ELSPBP1: variants seen among roughly 807,000 people sequenced by gnomAD.
ELSPBP1 encodes the protein epididymal sperm-binding protein 1.
ELSPBP1 carries 38 observed loss-of-function variants against 33.3 expected under a neutral mutation model. That is an observed-to-expected ratio of 1.14 (90% CI 0.88 to 1.50). The LOEUF (loss-of-function observed/expected upper bound fraction) is 1.50. Among genes scored for constraint, ELSPBP1 ranks in the 40% most tolerant of loss-of-function variants. The probability of loss-of-function intolerance (pLI) is 0.00; values close to 1 mark genes in which losing one functional copy is unlikely to be tolerated. For missense variants in ELSPBP1, 267 were observed against 263.5 expected, an observed-to-expected ratio of 1.01 and a Z score of -0.09; for synonymous variants, 85 against 94.1, an observed-to-expected ratio of 0.90 and a Z score of 0.56.
rs1967178548 is a variant in ELSPBP1 at position 48,019,726 on chromosome 19, G to A, written c.363G>A (p.Gly121=). The change falls in exon 5 of 7, where the codon GGG becomes GGA. Residue 121 remains glycine, a synonymous_variant. Coordinates refer to ENST00000339841, the MANE Select transcript of ELSPBP1 (RefSeq NM_022142.5). ...QWKFCETNEY[G]GNSLRKPCIF... is the part of the protein sequence containing the mutation. ...TTCCATAATCCTTTTCAGAGTATGG[G>A]GGAAATTCTCTCAGGAAGCCCTGCA... 1.2e-6 allele frequency: 2 copies of A among 1,613,720 alleles called. No homozygotes were observed. The highest frequency in any genetic ancestry group is 1.7e-6 in the Non-Finnish European group (2 of 1,179,896).
At chr19:48,018,879 C>T (rs1967168805) in intron 4 of ELSPBP1, among the ~76,000 whole-genome samples, 1 of 152,130 alleles carries the variant, frequency 6.6e-6, no homozygotes. Flanking sequence ...TTGGGCTGGG[C>T]GTGGTGGCTC....
At chr19:48,014,457 C>T (rs986625168) in intron 3 of ELSPBP1, 149 bp downstream of exon 3, 4 of 750,296 alleles carry the variant, frequency 5.3e-6, no homozygotes, top group African/African-American at 3.9e-5. Flanking sequence ...TTTTAATGAT[C>T]GCCATTCTAA....
At chr19:48,012,215 A>T (rs8101209) in intron 2 of ELSPBP1, among the ~76,000 whole-genome samples, 113,983 of 152,090 alleles carry the variant, frequency 0.75, 42,989 homozygotes, top group East Asian at 0.94. Context: ...GGCCTCAACT[A>T]CTCAGGCTCA....
chr19:48,014,074 C>T (rs776421676), intron 2 of ELSPBP1, 97 bp from the exon 3 acceptor site: 38 of 1,409,196 alleles, frequency 2.7e-5, no homozygotes, highest in Admixed American at 1.7e-4. Flanking sequence ...GGAGGGAACA[C>T]GGACATTCAT....
chr19:48,012,866 T>G (rs10412203), intron 2 of ELSPBP1, among the ~76,000 whole-genome samples: 25,539 of 152,158 alleles, frequency 0.17, 2,228 homozygotes, highest in South Asian at 0.23. Flanking sequence ...GCACTACCAC[T>G]TTCCATAAAT....
chr19:48,014,753 T>TAA (rs71181628), intron 3 of ELSPBP1, among the ~76,000 whole-genome samples: 24,573 of 144,260 alleles, frequency 0.17, 2,040 homozygotes, highest in Middle Eastern at 0.24. Flanking sequence ...TTTCCACAAA[T>TAA]AAAAAAAAAA....
Position 47,996,296 on chromosome 19 carries a change from A to G in ELSPBP1, c.-18+1485A>G, listed in dbSNP as rs114958504. 3.9e-3 allele frequency among the ~76,000 whole-genome samples: 587 copies of G among 152,274 alleles called. 1 individual carries two copies. The highest frequency in any genetic ancestry group is 0.013 in the African/African-American group (560 of 41,552). ...GAAACGATTTATCTCTGATTGTTGAAGGCAGAAATCATGTATGGTTCCTCT... is the reference window on the plus strand; with the variant it reads ...GAAACGATTTATCTCTGATTGTTGAGGGCAGAAATCATGTATGGTTCCTCT... On this transcript the variant is annotated intron_variant, in intron 1 of 6. Transcript: ENST00000339841.
intron 2 of ELSPBP1, among the ~76,000 whole-genome samples, chr19:48,012,356 G>C (rs901405177): frequency 6.6e-6 from 1 of 151,800 alleles, no homozygotes; most frequent in African/African-American, 2.4e-5. Flanking sequence ...GTCTTGAAGC[G>C]ATCCGCCCAC....
intron 1 of ELSPBP1, among the ~76,000 whole-genome samples, chr19:48,006,385 G>C (rs73565584): frequency 6.6e-6 from 1 of 151,842 alleles, no homozygotes; most frequent in Non-Finnish European, 1.5e-5. Flanking sequence ...AGGCCGAGGC[G>C]GGTGGATCAT....
intron 1 of ELSPBP1, among the ~76,000 whole-genome samples, chr19:47,999,258 T>G (rs943418486): frequency 1.7e-4 from 26 of 152,308 alleles, no homozygotes; most frequent in Admixed American, 1.3e-3. Context: ...AGAATACACA[T>G]AAGATTATGA....
intron 2 of ELSPBP1, among the ~76,000 whole-genome samples, chr19:48,012,348 C>G (rs1481773639): frequency 6.6e-6 from 1 of 151,952 alleles, no homozygotes; most frequent in Non-Finnish European, 1.5e-5. Flanking sequence ...TCAGGCGGGT[C>G]TTGAAGCGAT....
chr19:47,996,776 A>G (rs1249131233), intron 1 of ELSPBP1, among the ~76,000 whole-genome samples: 2 of 152,200 alleles, frequency 1.3e-5, no homozygotes, highest in African/African-American at 4.8e-5. Flanking sequence ...TAATATTTTC[A>G]GGAAAGTTTG....
chr19:48,024,626 A>T (rs1361300660), intron 6 of ELSPBP1, among the ~76,000 whole-genome samples: 2 of 152,178 alleles, frequency 1.3e-5, no homozygotes, highest in East Asian at 1.9e-4. Flanking sequence ...GGTAGATATT[A>T]AAAAACACCC....
chr19:47,998,720 G>T (rs1309324126), intron 1 of ELSPBP1, among the ~76,000 whole-genome samples: 1 of 150,782 alleles, frequency 6.6e-6, no homozygotes, highest in Non-Finnish European at 1.5e-5. Context: ...CCGGGAGGCG[G>T]AGCTTGCAGT....
chr19:48,011,038 GGAT>G lies in ELSPBP1; in HGVS notation c.70+2311_70+2313del, dbSNP rs994721752. Among the ~76,000 whole-genome samples the G allele has an allele frequency of 1.5e-4, 23 of 149,076 alleles. No individual in the cohort carries two copies. Among genetic ancestry groups the G allele is most frequent in the African/African-American group, 5.5e-4 (22 of 40,200 alleles). On this transcript the variant is annotated intron_variant, in intron 2 of 6. Coordinates refer to ENST00000339841, the MANE Select transcript of ELSPBP1 (RefSeq NM_022142.5). This position sits in a 1 kb window ranked among gnomAD's most constrained non-coding sequence, Gnocchi z 4.5. ...GTGAAGATGACAATGATAATGATGA[GGAT>G]GATGATGATATGACGATGATGACAA...
chr19:48,015,594 G>A (rs1053582456), intron 3 of ELSPBP1, among the ~76,000 whole-genome samples: 2 of 152,104 alleles, frequency 1.3e-5, no homozygotes, highest in African/African-American at 4.8e-5. Context: ...AGAGGCAGAG[G>A]TTGCAGTGAG....
intron 1 of ELSPBP1, among the ~76,000 whole-genome samples, chr19:48,000,852 G>A (rs1966960579): frequency 6.6e-6 from 1 of 152,190 alleles, no homozygotes; most frequent in Admixed American, 6.6e-5. Context: ...TACAAAGCAC[G>A]TTTTATGTGG....
chr19:48,012,498 G>A (rs759498197), intron 2 of ELSPBP1, among the ~76,000 whole-genome samples: 47 of 151,986 alleles, frequency 3.1e-4, no homozygotes, highest in Non-Finnish European at 5.3e-4. Context: ...AGGACAACTC[G>A]ATATACTGTA....
chr19:48,008,066 A>G (rs1048932940), intron 1 of ELSPBP1, among the ~76,000 whole-genome samples: 10 of 152,208 alleles, frequency 6.6e-5, no homozygotes, highest in Admixed American at 2.0e-4. Flanking sequence ...TGTGAGCATC[A>G]TAGAGTGTAC....
Sources: gnomAD v4.1 joint callset for allele counts (sites outside exome capture counted in the v4.1 genomes callset) on GRCh38, gnomAD v4.1.1 for gene constraint, Gnocchi (gnomAD v3.1) non-coding constraint, MANE v1.5 for transcripts, NCBI Gene and HGNC (gene_info 2026-07-23, HGNC 2026-07-21) for gene names.